PREX2: variants seen among roughly 807,000 people sequenced by gnomAD.
The protein encoded by PREX2 is phosphatidylinositol-3,4,5-trisphosphate dependent Rac exchange factor 2, also known as phosphatidylinositol 3,4,5-trisphosphate-dependent Rac exchanger 2 protein.
PREX2 carries 107 observed loss-of-function variants against 203.2 expected under a neutral mutation model. The ratio of observed to expected loss-of-function variants is 0.53; its 90% confidence interval spans 0.45 to 0.62. The LOEUF is 0.62. PREX2 is among the 20% of genes least tolerant of loss of function. The pLI is 0.00. For missense variants in PREX2, 1,777 were observed against 1,955.9 expected (o/e 0.91, Z 1.72); for synonymous variants, 672 against 663.6 (o/e 1.01, Z -0.19).
rs962067732 is a variant in PREX2, at chr8:68,232,731, G to A, written c.*1353G>A. The A allele has an allele frequency of 2.6e-5, 4 of 152,058 alleles. No individual in the cohort carries two copies. The highest frequency in any genetic ancestry group is 2.0e-4 in the Admixed American group (3 of 15,258). The allele number at this position is 152,058 out of a possible 1,614,324, so 9.4% of individuals were successfully genotyped here. A position where few individuals can be genotyped will look rare whatever the true frequency, so the allele number is the denominator to read the frequency against. On this transcript the variant is annotated 3_prime_UTR_variant, in exon 40 of 40. Coordinates refer to ENST00000288368, the MANE Select transcript of PREX2 (RefSeq NM_024870.4). The stretch of plus-strand genomic sequence containing the variant: ...CCTCCTGGGTTCAAGCCATTCTCTT[G>A]CCTCAGCCTCCCAGGAGCTGGGACT...
At chr8:67,973,103 ATAT>A (rs1805972365) in intron 1 of PREX2, among the ~76,000 whole-genome samples, 1 of 152,128 alleles carries the variant, frequency 6.6e-6, no homozygotes, top group African/African-American at 2.4e-5. Context: ...GTGTCACTAG[ATAT>A]ACCCCTTTCT....
intron 10 of PREX2, among the ~76,000 whole-genome samples, chr8:68,057,242 C>T (rs1327231684): frequency 6.6e-6 from 1 of 152,098 alleles, no homozygotes; most frequent in Non-Finnish European, 1.5e-5. Flanking sequence ...GCCTGCATCC[C>T]CTTCTGCCAT....
intron 24 of PREX2, 124 bp downstream of exon 24, chr8:68,108,455 AG>A (rs1810463574): frequency 1.5e-6 from 1 of 662,428 alleles, no homozygotes; most frequent in Admixed American, 2.8e-5. Flanking sequence ...TTATAAAGGA[AG>A]GATTTCTTGC....
chr8:68,097,227 AT>A, intron 22 of PREX2, 26 bp downstream of exon 22: 1 of 1,572,022 alleles, frequency 6.4e-7, no homozygotes, highest in South Asian at 1.2e-5. Context: ...AAGAAATAAG[AT>A]TTTTTGTTCT....
At chr8:68,087,948 G>A (rs979464144) in intron 19 of PREX2, 139 bp downstream of exon 19, 31 of 652,426 alleles carry the variant, frequency 4.8e-5, no homozygotes, top group Admixed American at 3.0e-4. Context: ...CTCAATGGTA[G>A]CACATTCCAG....
At chr8:68,159,147 C>T (rs1034808561) in intron 35 of PREX2, among the ~76,000 whole-genome samples, 2 of 152,058 alleles carry the variant, frequency 1.3e-5, no homozygotes, top group African/African-American at 4.8e-5. Flanking sequence ...AGACTCATAG[C>T]TGGGAAGTAA....
At chr8:68,017,811 A>G in intron 1 of PREX2, 35 bp from the exon 2 acceptor site, 2 of 1,567,188 alleles carry the variant, frequency 1.3e-6, no homozygotes, top group East Asian at 2.3e-5. Flanking sequence ...TATTAACCTA[A>G]TGTTACCTTC....
chr8:68,105,432 G>C, intron 23 of PREX2: 1 of 1,229,656 alleles, frequency 8.1e-7, no homozygotes, highest in Non-Finnish European at 1.0e-6. Flanking sequence ...TGTGGGCAGG[G>C]GGACATCCTG....
At chr8:67,964,240 ACT>A (rs1805708764) in intron 1 of PREX2, among the ~76,000 whole-genome samples, 1 of 152,122 alleles carries the variant, frequency 6.6e-6, no homozygotes, top group South Asian at 2.1e-4. Context: ...CATCACTTTC[ACT>A]CTCATCCCCA....
chr8:68,128,467 G>A (rs1810939507), intron 31 of PREX2, among the ~76,000 whole-genome samples: 1 of 152,152 alleles, frequency 6.6e-6, no homozygotes, highest in Non-Finnish European at 1.5e-5. Context: ...TCTGTGCCAG[G>A]TTTTATTGAT....
rs1044239751 is a variant in PREX2, at chr8:68,220,842, T to C, written c.4707+3124T>C. On this transcript the variant is annotated intron_variant, in intron 38 of 39. Coordinates refer to ENST00000288368, the MANE Select transcript of PREX2 (RefSeq NM_024870.4). Reference sequence around the variant, plus strand: ...CTTCATGCAGAAGATGAATTTATGATAGCGATTAAAAGCACAGAACAAGTT... The same window carrying C: ...CTTCATGCAGAAGATGAATTTATGACAGCGATTAAAAGCACAGAACAAGTT... 2.0e-5 allele frequency among the ~76,000 whole-genome samples: 3 copies of C among 152,190 alleles called. 1 individual carries two copies. The South Asian group carries it at 6.2e-4, about 31-fold the overall frequency.
intron 1 of PREX2, among the ~76,000 whole-genome samples, chr8:67,985,576 T>G (rs73257959): frequency 0.023 from 3,484 of 152,274 alleles, 125 homozygotes; most frequent in African/African-American, 0.077. Context: ...TTTTTCTTAT[T>G]GTCGGAGATA....
chr8:67,963,794 G>A (rs541363609), intron 1 of PREX2, among the ~76,000 whole-genome samples: 2 of 152,276 alleles, frequency 1.3e-5, no homozygotes, highest in African/African-American at 4.8e-5. Flanking sequence ...GAACAATGCA[G>A]AAGGATTGTT....
At chr8:67,960,444 A>G (rs540798260) in intron 1 of PREX2, among the ~76,000 whole-genome samples, 3 of 152,204 alleles carry the variant, frequency 2.0e-5, no homozygotes, top group African/African-American at 7.2e-5. Context: ...GACCAGCTTG[A>G]GAGTCACCAG....
At chr8:68,073,949 A>G (rs1009430869) in intron 14 of PREX2, among the ~76,000 whole-genome samples, 1 of 151,936 alleles carries the variant, frequency 6.6e-6, no homozygotes, top group East Asian at 1.9e-4. Flanking sequence ...AGAATATATT[A>G]AGGTGCTCAA....
chr8:68,222,983 A>C (rs867573447), intron 38 of PREX2, among the ~76,000 whole-genome samples: 3 of 152,224 alleles, frequency 2.0e-5, no homozygotes, highest in Non-Finnish European at 4.4e-5. Context: ...CATGAATGGC[A>C]GGAAGGACCT....
rs947328736 is a variant in PREX2 at position 68,235,075 on chromosome 8, G to T, written c.*3697G>T. Reference sequence around the variant, plus strand: ...TTGATTTGGAAGTGTTCAATTGAGAGTAAATGACTCTGTGTTTTGAAACTA... The same window carrying T: ...TTGATTTGGAAGTGTTCAATTGAGATTAAATGACTCTGTGTTTTGAAACTA... On this transcript the variant is annotated 3_prime_UTR_variant, in exon 40 of 40. Transcript: ENST00000288368. 3 of 152,148 alleles carry T rather than the reference G, an allele frequency of 2.0e-5. No homozygotes were observed. The highest frequency in any genetic ancestry group is 4.4e-5 in the Non-Finnish European group (3 of 68,016). 9.4% of individuals were successfully genotyped at this position (152,148 alleles called of 1,614,324 possible).
At chr8:68,216,979 A>T (rs924840008) in intron 37 of PREX2, among the ~76,000 whole-genome samples, 2 of 151,890 alleles carry the variant, frequency 1.3e-5, no homozygotes, top group Non-Finnish European at 2.9e-5. Flanking sequence ...AAAAAAAAAA[A>T]AAAAAATGAG....
At chr8:67,984,294 G>A (rs1806352807) in intron 1 of PREX2, among the ~76,000 whole-genome samples, 1 of 151,970 alleles carries the variant, frequency 6.6e-6, no homozygotes, top group East Asian at 1.9e-4. Flanking sequence ...AGAACGAAGA[G>A]TATGATTTAT....
Sources: gnomAD v4.1 joint callset for allele counts (sites outside exome capture counted in the v4.1 genomes callset) on GRCh38, gnomAD v4.1.1 for gene constraint, MANE v1.5 for transcripts, NCBI Gene and HGNC (gene_info 2026-07-23, HGNC 2026-07-21) for gene names.